The following STRC variants were observed in gnomAD, a reference collection of about 807,000 sequenced individuals.
STRC encodes the protein stereocilin.
A neutral mutation model predicts 103.5 loss-of-function variants in STRC; 43 were observed. The ratio of observed to expected loss-of-function variants is 0.42; its 90% confidence interval spans 0.33 to 0.54. STRC has a LOEUF of 0.54. Ranked by LOEUF, STRC falls within the 20% of genes least tolerant of loss-of-function variation. The probability of loss-of-function intolerance (pLI) is 0.14; values close to 1 mark genes in which losing one functional copy is unlikely to be tolerated. For synonymous variants in STRC, 186 were observed against 442.3 expected (o/e 0.42, Z 7.27); for missense variants, 499 against 1,088.5 (o/e 0.46, Z 7.62).
intron 15 of STRC, 173 bp downstream of exon 15, chr15:43,610,139 A>G (rs1366677069): frequency 1.5e-5 from 19 of 1,309,524 alleles, no homozygotes; most frequent in Non-Finnish European, 1.3e-5. Flanking sequence ...TTGAGGTTAC[A>G]GCGAACTCTG....
At position 43,604,202 on chromosome 15, in the gene STRC, C is replaced by T. The variant is rs761990976; in HGVS notation, c.4219-50G>A. The T allele has an allele frequency of 5.0e-6, 8 of 1,606,442 alleles. No homozygotes were observed. In the East Asian group the frequency reaches 6.7e-5, roughly 13 times the overall value. The stretch of plus-strand genomic sequence containing the variant: ...TGGGGAGATCTGGACAGATCAGGAC[C>T]TGCTGCTATAGCTCTAAGTCCAAAG... On this transcript the variant is annotated intron_variant, in intron 21 of 28. Transcript: ENST00000450892.
chr15:43,608,702 G>A (rs2141526738), intron 16 of STRC, among the ~76,000 whole-genome samples: 1 of 129,300 alleles, frequency 7.7e-6, no homozygotes, highest in East Asian at 2.1e-4. Context: ...CTCCAGCCTG[G>A]GCAACAGAGC....
In STRC at chr15:43,609,277, G is replaced by A. The variant is rs1461065629; in HGVS notation, c.3556C>T (p.Gln1186Ter). The part of the protein sequence containing the change: ...VPTNLTLRNL[Q>*]ALGTLAGGMS... ...CACTGCTCAACACAAGTTACTCACT[G>A]CAGATTCCTGAGGGTAAGGTTGGTG... The change falls in exon 16 of 29, where the codon CAG becomes TAG. Residue 1186 changes from glutamine (Q) to a stop codon, truncating the protein, a stop_gained and splice_region_variant. Coordinates refer to ENST00000450892, the MANE Select transcript of STRC (RefSeq NM_153700.2). LOFTEE classifies it high-confidence loss of function. The A allele has an allele frequency of 6.2e-7, 1 of 1,610,350 alleles. No homozygotes were observed. Among genetic ancestry groups the A allele is most frequent in the Non-Finnish European group, 8.5e-7 (1 of 1,179,332 alleles).
At chr15:43,609,567 G>A in intron 15 of STRC, 1 of 546,938 alleles carries the variant, frequency 1.8e-6, no homozygotes, top group Non-Finnish European at 3.3e-6. Context: ...AGATACTAGG[G>A]GGCTGGGTGC....
intron 20 of STRC, 93 bp downstream of exon 20, chr15:43,604,557 C>A: frequency 6.2e-7 from 1 of 1,612,246 alleles, no homozygotes; most frequent in Non-Finnish European, 8.5e-7. Context: ...CTCCAGGGGA[C>A]CTTAAGAATA....
chr15:43,603,956 G>A (rs746594738), intron 22 of STRC, 40 bp downstream of exon 22: 5 of 1,611,886 alleles, frequency 3.1e-6, no homozygotes, highest in Non-Finnish European at 3.4e-6. Context: ...GATACTCCCT[G>A]TACATCCTGC....
At chr15:43,602,734 T>C (rs1211374384) in intron 23 of STRC, 1 of 153,672 alleles carries the variant, frequency 6.5e-6, no homozygotes, top group Non-Finnish European at 1.3e-5. Flanking sequence ...AAGCTCCCCC[T>C]CCCAGGTTCA....
intron 22 of STRC, chr15:43,603,720 G>T: frequency 1.5e-6 from 1 of 681,076 alleles, no homozygotes. Context: ...GATCTCCCCA[G>T]CAGAGAGCTC....
At chr15:43,604,191 C>T in intron 21 of STRC, 39 bp from the exon 22 acceptor site, 1 of 1,607,102 alleles carries the variant, frequency 6.2e-7, no homozygotes, top group South Asian at 1.1e-5. Flanking sequence ...GAGATCTGGA[C>T]AGATCAGGAC....
rs1203463946 is a variant in STRC at position 43,600,262 on chromosome 15, C to T, written c.5025G>A (p.Leu1675=). Residue 1675 remains leucine, a synonymous_variant, in exon 27 of 29, where the codon CTG becomes CTA. Coordinates refer to ENST00000450892, the MANE Select transcript of STRC (RefSeq NM_153700.2). ...AGIPDLALSA[L]LRGQIQGVTP... ...TAACGCCCTGGATCTGTCCCCGCAG[C>T]AGTGCTGAAAGAGCCAGGTCTGGGA... 8.3e-7 allele frequency: 1 copy of T among 1,204,072 alleles called. No homozygotes were observed. Among genetic ancestry groups the T allele is most frequent in the East Asian group, 2.6e-5 (1 of 39,038 alleles). The allele number at this position is 1,204,072 out of a possible 1,614,324, so 74.6% of individuals were successfully genotyped here. A position where few individuals can be genotyped will look rare whatever the true frequency, so the allele number is the denominator to read the frequency against.
At chr15:43,602,121 C>CAAAA (rs35561492) in intron 23 of STRC, among the ~76,000 whole-genome samples, 22 of 38,260 alleles carry the variant, frequency 5.8e-4, no homozygotes, top group East Asian at 4.6e-3. Flanking sequence ...GACTCTGTCT[C>CAAAA]AAAAAAAAAA....
In STRC at chr15:43,603,325, A is replaced by C; in HGVS notation, c.4462T>G (p.Phe1488Val). The C allele has an allele frequency of 1.2e-6, 2 of 1,613,856 alleles. No homozygotes were observed. The highest frequency in any genetic ancestry group is 1.7e-6 in the Non-Finnish European group (2 of 1,179,876). ...GCAAATAATGTCAGGCAGTCCTCAA[A>C]GTCTGAGAGCTCCATCTCTGCAATC... is the stretch of plus-strand genomic sequence containing the variant. ...TQIAEMELSD[F>V]EDCLTLFAGD... The change falls in exon 23 of 29, where the codon TTT (phenylalanine) becomes GTT (valine). Residue 1488 changes from phenylalanine to valine, a missense_variant. Transcript: ENST00000450892.
intron 23 of STRC, among the ~76,000 whole-genome samples, chr15:43,602,230 G>C (rs188122436): frequency 5.1e-4 from 77 of 151,776 alleles, no homozygotes; most frequent in Non-Finnish European, 8.2e-4. Flanking sequence ...ACCCAGGCTG[G>C]AGGGCAGTGG....
In STRC at chr15:43,604,716, C is replaced by G. The variant is rs771060490; in HGVS notation, c.4061G>C (p.Gly1354Ala). 2 of 1,613,638 alleles carry G rather than the reference C, an allele frequency of 1.2e-6. No homozygotes were observed. Among genetic ancestry groups the G allele is most frequent in the Non-Finnish European group, 1.7e-6 (2 of 1,179,708 alleles). The change falls in exon 20 of 29, where the codon GGC becomes GCC. Residue 1354 changes from glycine (G) to alanine (A), a missense_variant. Gly to Ala is a moderately conservative substitution (Grantham distance 60). Transcript: ENST00000450892. ...ILLSHLSQLQ[G>A]FCLGETFATE... ...GGCAAATGTCTCTCCTAGGCAGAAGCCTTGCAGCTGACTGAGATGGGACAG... is the reference window on the plus strand; with the variant it reads ...GGCAAATGTCTCTCCTAGGCAGAAGGCTTGCAGCTGACTGAGATGGGACAG...
At chr15:43,603,958 A>G (rs2085692986) in intron 22 of STRC, 38 bp downstream of exon 22, 1 of 1,612,082 alleles carries the variant, frequency 6.2e-7, no homozygotes, top group Non-Finnish European at 8.5e-7. Flanking sequence ...TACTCCCTGT[A>G]CATCCTGCTG....
intron 23 of STRC, chr15:43,602,727 C>T (rs2085680466): frequency 6.1e-6 from 1 of 163,848 alleles, no homozygotes; most frequent in East Asian, 1.7e-4. Context: ...TCACTGCAAG[C>T]TCCCCCTCCC....
Position 43,603,756 on chromosome 15 carries a change from T to C in STRC, c.4375+240A>G, listed in dbSNP as rs145040278. ...CACACTTAGCCGAGCTAGAGCTGAG[T>C]CTAGAGCAGACACGAGAGAGCAGGA... On this transcript the variant is annotated intron_variant, in intron 22 of 28. Transcript: ENST00000450892. 2.6e-5 allele frequency among the ~76,000 whole-genome samples: 4 copies of C among 151,980 alleles called. No homozygotes were observed. The East Asian group carries it at 7.7e-4, about 29-fold the overall frequency.
chr15:43,605,463 C>A, intron 18 of STRC, 64 bp from the exon 19 acceptor site: 1 of 1,556,180 alleles, frequency 6.4e-7, no homozygotes. Context: ...GAAGGGACCA[C>A]AAAACCCCAC....
chr15:43,602,639 CCTTTT>C (rs1265313530), intron 23 of STRC: 7 of 152,676 alleles, frequency 4.6e-5, no homozygotes, highest in Admixed American at 1.3e-4. Flanking sequence ...ATGAAGCATG[CCTTTT>C]TTTTTTTTTT....
Sources: gnomAD v4.1 joint callset for allele counts (sites outside exome capture counted in the v4.1 genomes callset) on GRCh38, gnomAD v4.1.1 for gene constraint, MANE v1.5 for transcripts, NCBI Gene and HGNC (gene_info 2026-07-23, HGNC 2026-07-21) for gene names.